The following ASXL2 variants were observed in gnomAD, a reference collection of about 807,000 sequenced individuals.
The protein encoded by ASXL2 is putative Polycomb group protein ASXL2.
Under a neutral mutation model 122.0 loss-of-function variants are expected in ASXL2, and 23 were observed. The observed-to-expected ratio is 0.19, with a 90% CI of 0.14 to 0.27. ASXL2 has a LOEUF of 0.27. Among genes scored for constraint, ASXL2 ranks in the 10% least tolerant of loss-of-function variants. The pLI is 1.00. For synonymous variants in ASXL2, 650 were observed against 637.0 expected, an observed-to-expected ratio of 1.02 and a Z score of -0.31; for missense variants, 1,518 against 1,713.8, an observed-to-expected ratio of 0.89 and a Z score of 2.02.
At chr2:25,850,371 C>T (rs2089700722) in intron 1 of ASXL2, among the ~76,000 whole-genome samples, 1 of 152,204 alleles carries the variant, frequency 6.6e-6, no homozygotes, top group Non-Finnish European at 1.5e-5. Context: ...GGGTTTCTCT[C>T]ACTTTTTCTT....
At chr2:25,828,824 C>CA (rs1031358836) in intron 3 of ASXL2, among the ~76,000 whole-genome samples, 7,993 of 49,812 alleles carry the variant, frequency 0.16, 1,190 homozygotes, top group Non-Finnish European at 0.2. Flanking sequence ...GACTGTGTCT[C>CA]AAAAAAAAAA....
At chr2:25,830,203 G>T (rs888654880) in intron 3 of ASXL2, among the ~76,000 whole-genome samples, 1 of 152,226 alleles carries the variant, frequency 6.6e-6, no homozygotes, top group African/African-American at 2.4e-5. Context: ...CACAGTGAAT[G>T]CCAGCTTAAA....
intron 1 of ASXL2, among the ~76,000 whole-genome samples, chr2:25,873,781 ACAC>A (rs2089985308): frequency 6.6e-6 from 1 of 152,038 alleles, no homozygotes; most frequent in Admixed American, 6.6e-5. Context: ...TCCCAAAAAA[ACAC>A]CCAATGTCCC....
At chr2:25,764,617 C>T (rs1276058580) in intron 8 of ASXL2, among the ~76,000 whole-genome samples, 2 of 152,010 alleles carry the variant, frequency 1.3e-5, no homozygotes, top group Non-Finnish European at 2.9e-5. Flanking sequence ...TAGGTGGCTA[C>T]CAGTTTTTTG....
At chr2:25,860,068 T>C (rs2089825763) in intron 1 of ASXL2, among the ~76,000 whole-genome samples, 1 of 152,134 alleles carries the variant, frequency 6.6e-6, no homozygotes, top group Non-Finnish European at 1.5e-5. Context: ...ACACCTGTAA[T>C]CCCAGCACTT....
chr2:25,826,112 T>A (rs887961179), intron 3 of ASXL2, among the ~76,000 whole-genome samples: 1 of 152,178 alleles, frequency 6.6e-6, no homozygotes, highest in African/African-American at 2.4e-5. Flanking sequence ...CTAAATACTC[T>A]TCCTATAAGT....
intron 10 of ASXL2, among the ~76,000 whole-genome samples, chr2:25,754,606 TAC>T (rs1427171505): frequency 1.3e-5 from 2 of 152,072 alleles, no homozygotes; most frequent in African/African-American, 4.8e-5. Flanking sequence ...TTCACATATA[TAC>T]AGTGTTCCAA....
chr2:25,749,689 C>A lies in ASXL2; in HGVS notation c.1860+7G>T. The stretch of plus-strand genomic sequence containing the variant: ...CTCTGCTTTTCTAATTCTCTCCATT[C>A]TCTTACCTTGAGAGGTGGTACTTTT... On this transcript the variant is annotated splice_region_variant and intron_variant, in intron 12 of 12. Coordinates refer to ENST00000435504, the MANE Select transcript of ASXL2 (RefSeq NM_018263.6). 1 of 1,508,314 alleles carries A rather than the reference C, an allele frequency of 6.6e-7. No homozygotes were observed. Among genetic ancestry groups the A allele is most frequent in the Non-Finnish European group, 8.8e-7 (1 of 1,130,890 alleles). 93.4% of individuals were successfully genotyped at this position (1,508,314 alleles called of 1,614,324 possible).
chr2:25,862,910 CG>C (rs2089856756), intron 1 of ASXL2, among the ~76,000 whole-genome samples: 1 of 151,846 alleles, frequency 6.6e-6, no homozygotes, highest in African/African-American at 2.4e-5. Flanking sequence ...CCAGCCAAAA[CG>C]TAAGATTTTT....
chr2:25,740,437 T>C lies in ASXL2; in HGVS notation c.*1592A>G, dbSNP rs2087809346. On this transcript the variant is annotated 3_prime_UTR_variant, in exon 13 of 13. Transcript: ENST00000435504. ...GAAGGACAAATACAACTGTACTATGTTGCATTAACATTTGTACTTTACCCA... is the reference window on the plus strand; with the variant it reads ...GAAGGACAAATACAACTGTACTATGCTGCATTAACATTTGTACTTTACCCA... The C allele has an allele frequency of 4.4e-6, 1 of 227,672 alleles. No homozygotes were observed. The highest frequency in any genetic ancestry group is 1.8e-4 in the South Asian group (1 of 5,480). The allele number at this position is 227,672 out of a possible 1,614,324, so 14.1% of individuals were successfully genotyped here. A position where few individuals can be genotyped will look rare whatever the true frequency, so the allele number is the denominator to read the frequency against.
At chr2:25,758,100 A>G (rs1366648480) in intron 9 of ASXL2, among the ~76,000 whole-genome samples, 1 of 152,142 alleles carries the variant, frequency 6.6e-6, no homozygotes, top group Non-Finnish European at 1.5e-5. Flanking sequence ...CTTTGTCCCC[A>G]CTGCTGTAAG....
intron 9 of ASXL2, 130 bp downstream of exon 9, chr2:25,759,352 C>T (rs2088197742): frequency 3.1e-6 from 3 of 960,720 alleles, no homozygotes; most frequent in Non-Finnish European, 1.5e-6. Context: ...TTTTCCTAAG[C>T]CTTAAAAAAA....
chr2:25,734,408 T>C lies in ASXL2; in HGVS notation c.*7621A>G, dbSNP rs2087700644. On this transcript the variant is annotated 3_prime_UTR_variant, in exon 13 of 13. Transcript: ENST00000435504. ...CTGAAACTTGCCTGAAAATCTAAAA[T>C]GAAAAGAACTGCTGACTTCGGGTCA... is the stretch of plus-strand genomic sequence containing the variant. 1 of 152,162 alleles carries C rather than the reference T, an allele frequency of 6.6e-6. No homozygotes were observed. Among genetic ancestry groups the C allele is most frequent in the African/African-American group, 2.4e-5 (1 of 41,446 alleles). The allele number at this position is 152,162 out of a possible 1,614,324, so 9.4% of individuals were successfully genotyped here.
intron 4 of ASXL2, among the ~76,000 whole-genome samples, chr2:25,802,904 G>A (rs2089020994): frequency 6.6e-6 from 1 of 152,190 alleles, no homozygotes; most frequent in Non-Finnish European, 1.5e-5. Flanking sequence ...GCCAAGGCAG[G>A]CAGATCACCT....
chr2:25,843,385 T>C (rs1218957347), intron 2 of ASXL2, among the ~76,000 whole-genome samples: 2 of 151,790 alleles, frequency 1.3e-5, no homozygotes, highest in Non-Finnish European at 2.9e-5. Flanking sequence ...GTGATCGGCC[T>C]GCCTCGGCCT....
intron 3 of ASXL2, among the ~76,000 whole-genome samples, chr2:25,820,248 A>T (rs2089293628): frequency 6.6e-6 from 1 of 152,162 alleles, no homozygotes; most frequent in African/African-American, 2.4e-5. Flanking sequence ...ATGGGGCATT[A>T]TGTCTACAAT....
chr2:25,749,678 T>C lies in ASXL2; in HGVS notation c.1860+18A>G. ...GTTCAGACGATCTCTGCTTTTCTAA[T>C]TCTCTCCATTCTCTTACCTTGAGAG... On this transcript the variant is annotated intron_variant, in intron 12 of 12. Coordinates refer to ENST00000435504, the MANE Select transcript of ASXL2 (RefSeq NM_018263.6). 6.7e-7 allele frequency: 1 copy of C among 1,493,842 alleles called. No individual in the cohort carries two copies. Among genetic ancestry groups the C allele is most frequent in the Non-Finnish European group, 8.9e-7 (1 of 1,122,878 alleles). The allele number at this position is 1,493,842 out of a possible 1,614,324, so 92.5% of individuals were successfully genotyped here. A position where few individuals can be genotyped will look rare whatever the true frequency, so the allele number is the denominator to read the frequency against.
At chr2:25,760,858 C>T (rs563474206) in intron 8 of ASXL2, among the ~76,000 whole-genome samples, 82 of 152,038 alleles carry the variant, frequency 5.4e-4, no homozygotes, top group African/African-American at 1.9e-3. Context: ...TACAGAATTG[C>T]TATGTACAAA....
intron 5 of ASXL2, among the ~76,000 whole-genome samples, chr2:25,781,272 G>A (rs1347052227): frequency 1.3e-5 from 2 of 152,016 alleles, no homozygotes; most frequent in Admixed American, 6.6e-5. Flanking sequence ...GGTGGCTCAC[G>A]CCTGTAATCC....
Sources: gnomAD v4.1 joint callset for allele counts (sites outside exome capture counted in the v4.1 genomes callset) on GRCh38, gnomAD v4.1.1 for gene constraint, MANE v1.5 for transcripts, NCBI Gene and HGNC (gene_info 2026-07-23, HGNC 2026-07-21) for gene names.